Variants in UBE2O observed in about 807,000 individuals in gnomAD.
UBE2O encodes the protein ubiquitin conjugating enzyme E2 O.
In UBE2O, 15 loss-of-function variants were observed where a neutral mutation model predicts 125.8. The ratio of observed to expected loss-of-function variants is 0.12; its 90% CI spans 0.08 to 0.18. UBE2O has a LOEUF of 0.18. Ranked by LOEUF, UBE2O falls within the 10% of genes least tolerant of loss-of-function variation. UBE2O has a pLI of 1.00. For missense variants in UBE2O, 1,280 were observed against 1,723.6 expected, an observed-to-expected ratio of 0.74 and a Z score of 4.56; for synonymous variants, 708 against 703.2, an observed-to-expected ratio of 1.01 and a Z score of -0.11.
chr17:76,440,706 A>G (rs1289867768), intron 1 of UBE2O, among the ~76,000 whole-genome samples: 1 of 152,218 alleles, frequency 6.6e-6, no homozygotes. Context: ...TGGGAAAACT[A>G]CAGCCTGCAG....
chr17:76,428,897 C>T lies in UBE2O; in HGVS notation c.418-23325G>A, dbSNP rs530537374. On this transcript the variant is annotated intron_variant, in intron 1 of 17. Coordinates refer to ENST00000319380, the MANE Select transcript of UBE2O (RefSeq NM_022066.4). ...TGCATGAAGGGTAGAGGGGACCCCT[C>T]TACTATTTTTTTTTTTTTTTTTGAG... 1.4e-4 allele frequency among the ~76,000 whole-genome samples: 21 copies of T among 150,582 alleles called. No homozygotes were observed. The East Asian group carries it at 3.7e-3, about 27-fold the overall frequency.
chr17:76,405,034 C>G lies in UBE2O; in HGVS notation c.588+172G>C, dbSNP rs2072391539. On this transcript the variant is annotated intron_variant, in intron 3 of 17. Transcript: ENST00000319380. This position sits in a 1 kb window ranked among gnomAD's most constrained non-coding sequence, Gnocchi z 6.1. Reference sequence around the variant, plus strand: ...CCTGACCTCATGTCTAAATGGCTTACTTGAAAGCAGCGAAAACAAGGCTAC... The same window carrying G: ...CCTGACCTCATGTCTAAATGGCTTAGTTGAAAGCAGCGAAAACAAGGCTAC... 1.3e-5 allele frequency among the ~76,000 whole-genome samples: 2 copies of G among 152,290 alleles called. No homozygotes were observed. The highest frequency in any genetic ancestry group is 2.1e-4 in the South Asian group (1 of 4,812).
intron 1 of UBE2O, among the ~76,000 whole-genome samples, chr17:76,428,562 T>C (rs1177597590): frequency 6.6e-6 from 1 of 152,238 alleles, no homozygotes; most frequent in Non-Finnish European, 1.5e-5. Context: ...GGCTTTCTCC[T>C]ACCTGAATCA....
rs536181042 is a variant in UBE2O, at chr17:76,423,319, CAGTG to C, written c.418-17751_418-17748del. Among the ~76,000 whole-genome samples, 17 of 152,256 alleles carry C rather than the reference CAGTG, an allele frequency of 1.1e-4. No individual in the cohort carries two copies. In the South Asian group the frequency reaches 3.5e-3, roughly 32 times the overall value. On this transcript the variant is annotated intron_variant, in intron 1 of 17. Transcript: ENST00000319380. ...GCTTAAGCCCAGGAATTCGACGCTG[CAGTG>C]AGCCCTGATTGTGCCAATGCACTCC...
intron 1 of UBE2O, among the ~76,000 whole-genome samples, chr17:76,409,557 G>A (rs1039655424): frequency 6.6e-5 from 10 of 152,194 alleles, no homozygotes; most frequent in Non-Finnish European, 1.3e-4. Context: ...AACCATGCCC[G>A]GCTAATTTTT....
chr17:76,423,246 G>A (rs1458668520), intron 1 of UBE2O, among the ~76,000 whole-genome samples: 1 of 152,112 alleles, frequency 6.6e-6, no homozygotes, highest in African/African-American at 2.4e-5. Context: ...GGGCACGGTG[G>A]TACGCACCTG....
chr17:76,406,373 G>T (rs1473042491), intron 1 of UBE2O, among the ~76,000 whole-genome samples: 1 of 152,040 alleles, frequency 6.6e-6, no homozygotes, highest in Non-Finnish European at 1.5e-5. Flanking sequence ...ATCATGGATG[G>T]GTCTCTGTGT....
chr17:76,427,590 G>C (rs980178564), intron 1 of UBE2O, among the ~76,000 whole-genome samples: 2 of 152,184 alleles, frequency 1.3e-5, no homozygotes, highest in African/African-American at 4.8e-5. Context: ...CCTGTACTGT[G>C]CAAGGGTCAC....
intron 1 of UBE2O, among the ~76,000 whole-genome samples, chr17:76,430,170 C>A (rs934436380): frequency 6.6e-6 from 1 of 152,142 alleles, no homozygotes; most frequent in African/African-American, 2.4e-5. Context: ...TGCCTTCCAC[C>A]TTCTAGAAAT....
At position 76,392,007 on chromosome 17, in the gene UBE2O, TG is replaced by T; in HGVS notation, c.3052del (p.His1018ThrfsTer12). The T allele has an allele frequency of 1.3e-6, 2 of 1,595,936 alleles. No individual in the cohort carries two copies. Among genetic ancestry groups the T allele is most frequent in the Non-Finnish European group, 1.7e-6 (2 of 1,171,980 alleles). On this transcript the variant is annotated frameshift_variant, in exon 16 of 18. Coordinates refer to ENST00000319380, the MANE Select transcript of UBE2O (RefSeq NM_022066.4). LOFTEE classifies it high-confidence loss of function. ...ACTGCATTGGGAGAGGTAGCAGAAG[TG>T]GGGGGGCACGGCTGGGTAGATGTTG... ...LPNIYPAVPP[H>X]FCYLSQCSGR...
intron 1 of UBE2O, among the ~76,000 whole-genome samples, chr17:76,427,212 TCTAA>T (rs2072826763): frequency 6.6e-6 from 1 of 152,322 alleles, no homozygotes; most frequent in South Asian, 2.1e-4. Context: ...TCTGCAGAAT[TCTAA>T]CTAACTTCTG....
intron 15 of UBE2O, among the ~76,000 whole-genome samples, chr17:76,392,652 T>C (rs954937596): frequency 1.3e-5 from 2 of 152,020 alleles, no homozygotes; most frequent in African/African-American, 4.8e-5. Flanking sequence ...CATAAATCAT[T>C]ACTTTAAGAC....
rs1184294844 is a variant in UBE2O at position 76,390,053 on chromosome 17, T to C, written c.*890A>G. On this transcript the variant is annotated 3_prime_UTR_variant, in exon 18 of 18. Coordinates refer to ENST00000319380, the MANE Select transcript of UBE2O (RefSeq NM_022066.4). ...CAGTTTGTAAGCGAAGGGCTGACAGTAGGCCTTCTAGTCCAAGAGAGGGCT... is the reference window on the plus strand; with the variant it reads ...CAGTTTGTAAGCGAAGGGCTGACAGCAGGCCTTCTAGTCCAAGAGAGGGCT... 1 of 152,540 alleles carries C rather than the reference T, an allele frequency of 6.6e-6. No individual in the cohort carries two copies. Among genetic ancestry groups the C allele is most frequent in the African/African-American group, 2.4e-5 (1 of 41,454 alleles). 9.4% of individuals were successfully genotyped at this position (152,540 alleles called of 1,614,324 possible). A position where few individuals can be genotyped will look rare whatever the true frequency, so the allele number is the denominator to read the frequency against.
Position 76,402,824 on chromosome 17 carries a change from GGT to G in UBE2O, c.589-127_589-126del. On this transcript the variant is annotated intron_variant, in intron 3 of 17. Transcript: ENST00000319380. This position sits in a 1 kb window ranked among gnomAD's most constrained non-coding sequence, Gnocchi z 5.4. The stretch of plus-strand genomic sequence containing the variant: ...ATCTAGACAGCTCACTGACTGGACC[GGT>G]TGGCTACTAGCCCTAAACAGCTGCT... The G allele has an allele frequency of 1.3e-6, 1 of 792,276 alleles. No individual in the cohort carries two copies. Among genetic ancestry groups the G allele is most frequent in the Non-Finnish European group, 2.1e-6 (1 of 469,696 alleles). 49.1% of individuals were successfully genotyped at this position (792,276 alleles called of 1,614,324 possible). A position where few individuals can be genotyped will look rare whatever the true frequency, so the allele number is the denominator to read the frequency against.
chr17:76,429,147 G>T (rs577111089), intron 1 of UBE2O, among the ~76,000 whole-genome samples: 7 of 151,768 alleles, frequency 4.6e-5, no homozygotes, highest in Non-Finnish European at 1.0e-4. Flanking sequence ...TGATCTGCCC[G>T]CCTCGGCCTC....
At position 76,398,169 on chromosome 17, in the gene UBE2O, T is replaced by C; in HGVS notation, c.2025+86A>G. The C allele has an allele frequency of 1.3e-6, 2 of 1,587,700 alleles. No individual in the cohort carries two copies. The highest frequency in any genetic ancestry group is 1.1e-5 in the South Asian group (1 of 88,896). On this transcript the variant is annotated intron_variant, in intron 12 of 17. Coordinates refer to ENST00000319380, the MANE Select transcript of UBE2O (RefSeq NM_022066.4). This position sits in a 1 kb window ranked among gnomAD's most constrained non-coding sequence, Gnocchi z 5.4. ...CAGAGGACTTTCAGGTCTTGTCTCC[T>C]AGAGCCACCTGGTGGCAGCATCAGG...
At chr17:76,435,417 TACACACACACACACACACACACACACAC>T (rs59781051) in intron 1 of UBE2O, among the ~76,000 whole-genome samples, 54 of 96,320 alleles carry the variant, frequency 5.6e-4, no homozygotes, top group Non-Finnish European at 1.4e-3. Context: ...CACACACACA[TACACACACACACACACACACACACACAC>T]ACACACACAC....
chr17:76,418,730 C>T (rs1419294872), intron 1 of UBE2O, among the ~76,000 whole-genome samples: 1 of 152,062 alleles, frequency 6.6e-6, no homozygotes, highest in Non-Finnish European at 1.5e-5. Flanking sequence ...CCACCACGCC[C>T]GGCTAACTTT....
chr17:76,401,294 T>A, intron 5 of UBE2O, 140 bp from the exon 6 acceptor site: 2 of 1,013,014 alleles, frequency 2.0e-6, no homozygotes, highest in Non-Finnish European at 2.8e-6. Context: ...AAACAAGTCC[T>A]GTGGCTCCAC....
Sources: allele counts gnomAD v4.1 joint callset (sites outside exome capture counted in the v4.1 genomes callset), GRCh38; gene constraint gnomAD v4.1.1; non-coding constraint Gnocchi (gnomAD v3.1); transcripts MANE v1.5; gene names NCBI Gene and HGNC (gene_info 2026-07-23, HGNC 2026-07-21).